The following GLIS3 variants were observed in gnomAD, a reference collection of about 807,000 sequenced individuals.
GLIS3 encodes GLIS family zinc finger 3.
Under a neutral mutation model 78.6 loss-of-function variants are expected in GLIS3, and 53 were observed. The ratio of observed to expected loss-of-function variants is 0.67; its 90% CI spans 0.54 to 0.85. The LOEUF (loss-of-function observed/expected upper bound fraction) is 0.85, where lower values mean the gene tolerates loss of function less well. Among genes scored for constraint, GLIS3 ranks in the 40% least tolerant of loss-of-function variants. The pLI is 0.00. For synonymous variants in GLIS3, 684 were observed against 509.9 expected (o/e 1.34, Z -4.60); for missense variants, 1,703 against 1,231.1 (o/e 1.38, Z -5.74).
chr9:3,942,906 CAAA>C (rs1361997306), intron 4 of GLIS3, among the ~76,000 whole-genome samples: 1 of 151,020 alleles, frequency 6.6e-6, no homozygotes, highest in Admixed American at 6.6e-5. Flanking sequence ...AACTAGAAAA[CAAA>C]AGAAGAAAGG....
intron 2 of GLIS3, among the ~76,000 whole-genome samples, chr9:4,174,698 C>T (rs550400946): frequency 1.3e-5 from 2 of 152,308 alleles, no homozygotes; most frequent in East Asian, 3.9e-4. Context: ...TTTGGAAATA[C>T]TGGCTTTTAA....
At chr9:4,218,107 T>C (rs1821012278) in intron 2 of GLIS3, among the ~76,000 whole-genome samples, 1 of 152,232 alleles carries the variant, frequency 6.6e-6, no homozygotes, top group Non-Finnish European at 1.5e-5. Flanking sequence ...ATCTTATCCA[T>C]CTACCCAGTT....
intron 2 of GLIS3, among the ~76,000 whole-genome samples, chr9:4,128,180 C>A (rs1403464273): frequency 6.6e-6 from 1 of 152,218 alleles, no homozygotes; most frequent in Non-Finnish European, 1.5e-5. Flanking sequence ...AACTTATCCA[C>A]CTAGTGAGCA....
chr9:4,177,140 C>T (rs1586886892), intron 2 of GLIS3, among the ~76,000 whole-genome samples: 1 of 12,262 alleles, frequency 8.2e-5, no homozygotes, highest in African/African-American at 5.9e-4. Flanking sequence ...AAAAACAAAA[C>T]AAAACAAAAC....
At chr9:4,359,887 T>G in the GLIS3 span, among the ~76,000 whole-genome samples, 19 of 151,852 alleles carry the variant, frequency 1.3e-4, no homozygotes, top group Admixed American at 5.2e-4. Context: ...TATGCTGAGA[T>G]GAATGTTAAG....
At chr9:4,320,979 G>A (rs73386237) in intron 2 of GLIS3, among the ~76,000 whole-genome samples, 12,696 of 151,770 alleles carry the variant, frequency 0.084, 1,723 homozygotes, top group African/African-American at 0.29. Context: ...TACAAAGAAC[G>A]TTGCTTGAGA....
At chr9:3,862,636 C>T (rs1273885140) in intron 8 of GLIS3, among the ~76,000 whole-genome samples, 2 of 152,120 alleles carry the variant, frequency 1.3e-5, no homozygotes, top group Admixed American at 6.5e-5. Flanking sequence ...GCCAGCAGTG[C>T]AGGACTGTGT....
chr9:4,384,891 C>T, the GLIS3 span, among the ~76,000 whole-genome samples: 2 of 152,104 alleles, frequency 1.3e-5, no homozygotes, highest in African/African-American at 2.4e-5. Flanking sequence ...GAACCTGGAG[C>T]CAGACACTGT....
chr9:3,995,072 A>G (rs11790849), intron 4 of GLIS3, among the ~76,000 whole-genome samples: 31,522 of 152,118 alleles, frequency 0.21, 4,131 homozygotes, highest in South Asian at 0.31. Context: ...CACATTCACA[A>G]AGCAAGAACT....
intron 4 of GLIS3, among the ~76,000 whole-genome samples, chr9:4,064,393 A>C (rs984430869): frequency 1.3e-5 from 2 of 149,864 alleles, no homozygotes; most frequent in Non-Finnish European, 2.9e-5. Flanking sequence ...CAAAAATTTA[A>C]AGCTTTTATA....
chr9:4,352,380 T>A (rs1004622999), upstream of GLIS3, among the ~76,000 whole-genome samples: 1 of 152,216 alleles, frequency 6.6e-6, no homozygotes, highest in African/African-American at 2.4e-5. Context: ...TATCTCCAAA[T>A]TAAAATAGCT....
the GLIS3 span, among the ~76,000 whole-genome samples, chr9:4,389,476 G>A: frequency 1.3e-5 from 2 of 152,198 alleles, no homozygotes; most frequent in Non-Finnish European, 2.9e-5. Context: ...TCCAAAGGCT[G>A]CTGGAACTAA....
chr9:4,069,053 A>G (rs10974313), intron 4 of GLIS3, among the ~76,000 whole-genome samples: 247 of 152,308 alleles, frequency 1.6e-3, no homozygotes, highest in African/African-American at 5.8e-3. Flanking sequence ...GTTAGTTCCA[A>G]TAAATGTATG....
chr9:4,161,900 G>A (rs574901111), intron 2 of GLIS3, among the ~76,000 whole-genome samples: 1 of 151,500 alleles, frequency 6.6e-6, no homozygotes, highest in East Asian at 1.9e-4. Flanking sequence ...TGGTCAGGCT[G>A]GTCTCAAACT....
At chr9:3,851,394 G>C (rs142603348) in intron 9 of GLIS3, among the ~76,000 whole-genome samples, 1 of 152,272 alleles carries the variant, frequency 6.6e-6, no homozygotes, top group Non-Finnish European at 1.5e-5. Context: ...GATCTCACCC[G>C]AATGGAGACC....
At chr9:4,012,762 T>C (rs577600524) in intron 4 of GLIS3, among the ~76,000 whole-genome samples, 1 of 139,642 alleles carries the variant, frequency 7.2e-6, no homozygotes, top group African/African-American at 2.7e-5. Context: ...TTTTTTTCTT[T>C]TTCTTTTTTT....
At chr9:4,386,316 A>C in the GLIS3 span, 2 of 152,176 alleles carry the variant, frequency 1.3e-5, no homozygotes, top group Non-Finnish European at 2.9e-5. Flanking sequence ...TCATAGCCAA[A>C]TCTTTTGTGT....
the GLIS3 span, among the ~76,000 whole-genome samples, chr9:4,430,069 G>A: frequency 2.0e-5 from 3 of 151,978 alleles, no homozygotes; most frequent in Non-Finnish European, 2.9e-5. Context: ...TTTGAGGCAA[G>A]CAGAGGAGAC....
chr9:4,411,915 A>C, the GLIS3 span, among the ~76,000 whole-genome samples: 7 of 152,256 alleles, frequency 4.6e-5, no homozygotes, highest in Non-Finnish European at 7.3e-5. Flanking sequence ...ATTTTGGCTC[A>C]TGTATGGTCC....
Sources: gnomAD v4.1 joint callset for allele counts (sites outside exome capture counted in the v4.1 genomes callset) on GRCh38, gnomAD v4.1.1 for gene constraint, MANE v1.5 for transcripts, NCBI Gene and HGNC (gene_info 2026-07-23, HGNC 2026-07-21) for gene names.